IL1RL2: variants seen among roughly 807,000 people sequenced by gnomAD.
The protein encoded by IL1RL2 is interleukin 1 receptor like 2, also known as interleukin-1 receptor-like 2.
IL1RL2 carries 68 observed loss-of-function variants against 66.8 expected under a neutral mutation model. The observed-to-expected ratio is 1.02, with a 90% CI of 0.84 to 1.25. The LOEUF (loss-of-function observed/expected upper bound fraction) is 1.25, where lower values mean the gene tolerates loss of function less well. Ranked by LOEUF, IL1RL2 falls within the 50% of genes most tolerant of loss-of-function variation. The pLI, the probability that IL1RL2 is intolerant of heterozygous loss-of-function variation, is 0.00. For missense variants in IL1RL2, 729 were observed against 709.3 expected (o/e 1.03, Z -0.32); for synonymous variants, 305 against 264.6 (o/e 1.15, Z -1.48).
downstream of IL1RL2, among the ~76,000 whole-genome samples, chr2:102,240,830 A>T (rs928964674): frequency 2.6e-5 from 4 of 152,260 alleles, no homozygotes; most frequent in African/African-American, 9.6e-5. Context: ...AGAAGTGAAC[A>T]TAATTTCCTG....
chr2:102,227,891 T>C (rs1690770588), intron 9 of IL1RL2, among the ~76,000 whole-genome samples: 1 of 152,032 alleles, frequency 6.6e-6, no homozygotes, highest in Non-Finnish European at 1.5e-5. Flanking sequence ...CTGTGACTTA[T>C]GGGTGTTGTG....
chr2:102,191,695 T>C lies in IL1RL2; in HGVS notation c.294-230T>C, dbSNP rs181141182. 1.3e-3 allele frequency among the ~76,000 whole-genome samples: 202 copies of C among 152,344 alleles called. 1 individual carries two copies. The South Asian group carries it at 0.028, about 21-fold the overall frequency. On this transcript the variant is annotated intron_variant, in intron 3 of 11. Coordinates refer to ENST00000264257, the MANE Select transcript of IL1RL2 (RefSeq NM_003854.4). The stretch of plus-strand genomic sequence containing the variant: ...GCACATGGCGTCCACTTGCCCCTAG[T>C]TGGTGATGTCCATTTTGATCACTCA...
rs1559530440 is a variant in IL1RL2, at chr2:102,195,645, C to CTCTCTCTCTT, written c.489+3528_489+3529insCTCTCTTTCT. 6.1e-3 allele frequency among the ~76,000 whole-genome samples: 124 copies of CTCTCTCTCTT among 20,204 alleles called. 8 individuals carry two copies. The highest frequency in any genetic ancestry group is 0.011 in the Non-Finnish European group (93 of 8,102). 13.3% of individuals were successfully genotyped at this position (20,204 alleles called of 152,430 possible). On this transcript the variant is annotated intron_variant, in intron 4 of 11. Transcript: ENST00000264257. ...TCTTTCTTTCTCTCTCTCTCTCTCT[C>CTCTCTCTCTT]TCTTTCTTTCTTTCTTTCTTTCTTT...
chr2:102,193,097 C>T (rs141433910), intron 4 of IL1RL2, among the ~76,000 whole-genome samples: 179 of 152,268 alleles, frequency 1.2e-3, no homozygotes, highest in African/African-American at 4.2e-3. Flanking sequence ...TGATTAGTTT[C>T]ATCAGAGACT....
At chr2:102,192,423 G>A (rs1195109553) in intron 4 of IL1RL2, among the ~76,000 whole-genome samples, 2 of 151,826 alleles carry the variant, frequency 1.3e-5, no homozygotes, top group Non-Finnish European at 2.9e-5. Flanking sequence ...TGCATACTAT[G>A]TGCACATGGT....
At chr2:102,238,735 G>A (rs878857749) in intron 11 of IL1RL2, among the ~76,000 whole-genome samples, 1 of 152,162 alleles carries the variant, frequency 6.6e-6, no homozygotes, top group Admixed American at 6.5e-5. Flanking sequence ...TTTAGGAGTG[G>A]TGGCTGCTGG....
At chr2:102,203,345 T>TC (rs1052854294) in intron 5 of IL1RL2, among the ~76,000 whole-genome samples, 10 of 74,400 alleles carry the variant, frequency 1.3e-4, no homozygotes, top group South Asian at 5.4e-4. Context: ...TTTCTCTCTC[T>TC]TTTTTTTTTT....
chr2:102,233,015 C>A lies in IL1RL2; in HGVS notation c.1188C>A (p.Ser396Arg). 3.1e-6 allele frequency: 5 copies of A among 1,614,166 alleles called. No individual in the cohort carries two copies. In the East Asian group the frequency reaches 1.1e-4, roughly 36 times the overall value. Residue 396 changes from serine (S) to arginine (R), a missense_variant, in exon 10 of 12, where the codon AGC (serine) becomes AGA (arginine). Physicochemically the swap from Ser to Arg is moderately radical, Grantham distance 110 (BLOSUM62 -1). Transcript: ENST00000264257. ...YVLYPKPHKE[S>R]QRHAVDALVL... is the part of the protein sequence containing the mutation. The stretch of plus-strand genomic sequence containing the variant: ...TATACCCCAAGCCCCACAAGGAAAG[C>A]CAGAGGCATGCCGTGGATGCCCTGG...
chr2:102,240,502 G>A (rs12465735), downstream of IL1RL2, among the ~76,000 whole-genome samples: 7 of 150,054 alleles, frequency 4.7e-5, no homozygotes, highest in Admixed American at 4.7e-4. Context: ...ACATAATTTA[G>A]TAAGCAACTC....
intron 6 of IL1RL2, among the ~76,000 whole-genome samples, chr2:102,215,453 C>T (rs1689526637): frequency 6.6e-6 from 1 of 152,112 alleles, no homozygotes; most frequent in Non-Finnish European, 1.5e-5. Context: ...TTCCCAAATG[C>T]ACATGGTGCC....
intron 4 of IL1RL2, among the ~76,000 whole-genome samples, chr2:102,198,766 GT>G (rs1029098505): frequency 1.3e-5 from 2 of 152,044 alleles, no homozygotes; most frequent in Non-Finnish European, 2.9e-5. Flanking sequence ...GTCATCTTCT[GT>G]GCTCGCTTTT....
chr2:102,234,998 G>A lies in IL1RL2; in HGVS notation c.1399G>A (p.Glu467Lys). ...LGFGLLKNLS[E>K]EQIAVYSALI... ...CTTTGGCCTGTTGAAGAACCTGTCAGAAGAACAAATCGCGGTCTACAGTGC... is the reference window on the plus strand; with the variant it reads ...CTTTGGCCTGTTGAAGAACCTGTCAAAAGAACAAATCGCGGTCTACAGTGC... Residue 467 changes from glutamate to lysine, a missense_variant, in exon 11 of 12, where the codon GAA becomes AAA. Coordinates refer to ENST00000264257, the MANE Select transcript of IL1RL2 (RefSeq NM_003854.4). The A allele has an allele frequency of 1.2e-6, 2 of 1,613,890 alleles. No homozygotes were observed. Among genetic ancestry groups the A allele is most frequent in the Non-Finnish European group, 1.7e-6 (2 of 1,179,768 alleles).
At chr2:102,190,524 G>T (rs1271581713) in intron 3 of IL1RL2, among the ~76,000 whole-genome samples, 1 of 152,146 alleles carries the variant, frequency 6.6e-6, no homozygotes, top group African/African-American at 2.4e-5. Flanking sequence ...CTGTGTCCCA[G>T]CATGGCCCCT....
chr2:102,225,982 T>G lies in IL1RL2; in HGVS notation c.1076T>G (p.Phe359Cys), dbSNP rs981918344. 6.2e-7 allele frequency: 1 copy of G among 1,609,266 alleles called. No homozygotes were observed. The highest frequency in any genetic ancestry group is 8.5e-7 in the Non-Finnish European group (1 of 1,177,674). ...TCTGTTGTGTACATATACAACATTTTTAAGATCGACATTGTTCTTTGGTAT... is the reference window on the plus strand; with the variant it reads ...TCTGTTGTGTACATATACAACATTTGTAAGATCGACATTGTTCTTTGGTAT... ...AVSVVYIYNI[F>C]KIDIVLWYRS... Residue 359 changes from phenylalanine to cysteine, a missense_variant, in exon 9 of 12, where the codon TTT becomes TGT. By Grantham distance (205) the Phe-to-Cys change is radical (BLOSUM62 -2). Coordinates refer to ENST00000264257, the MANE Select transcript of IL1RL2 (RefSeq NM_003854.4).
intron 5 of IL1RL2, among the ~76,000 whole-genome samples, chr2:102,202,626 A>G (rs928806434): frequency 2.6e-5 from 4 of 152,016 alleles, no homozygotes; most frequent in Admixed American, 2.6e-4. Context: ...TGAAATGATG[A>G]TATGGTTTTA....
At chr2:102,194,008 T>C (rs1383510171) in intron 4 of IL1RL2, among the ~76,000 whole-genome samples, 1 of 152,104 alleles carries the variant, frequency 6.6e-6, no homozygotes, top group Admixed American at 6.5e-5. Flanking sequence ...GAAATCATAA[T>C]TGGACAAGCT....
chr2:102,192,437 A>G (rs909600779), intron 4 of IL1RL2, among the ~76,000 whole-genome samples: 2 of 152,166 alleles, frequency 1.3e-5, no homozygotes, highest in Admixed American at 6.5e-5. Flanking sequence ...ACATGGTTCA[A>G]TAATCACAAA....
At chr2:102,202,371 CATA>C (rs1688335354) in intron 5 of IL1RL2, among the ~76,000 whole-genome samples, 1 of 150,960 alleles carries the variant, frequency 6.6e-6, no homozygotes, top group African/African-American at 2.4e-5. Flanking sequence ...GCATATATTA[CATA>C]ATAATAGGTG....
chr2:102,187,852 G>A lies in IL1RL2; in HGVS notation c.-12-4G>A, dbSNP rs1452498621. On this transcript the variant is annotated splice_region_variant and splice_polypyrimidine_tract_variant and intron_variant, in intron 1 of 11. Coordinates refer to ENST00000264257, the MANE Select transcript of IL1RL2 (RefSeq NM_003854.4). ...CCTCCCACCCTCTTCTCCCTTCCTT[G>A]CAGCCCGGTTTGGGGATGTGGTCCT... 1.9e-6 allele frequency: 3 copies of A among 1,569,884 alleles called. No homozygotes were observed. Among genetic ancestry groups the A allele is most frequent in the Admixed American group, 3.4e-5 (2 of 59,090 alleles).
Sources: allele counts gnomAD v4.1 joint callset (sites outside exome capture counted in the v4.1 genomes callset), GRCh38; gene constraint gnomAD v4.1.1; transcripts MANE v1.5; gene names NCBI Gene and HGNC (gene_info 2026-07-23, HGNC 2026-07-21).